The following GPRC6A variants were observed in gnomAD, a reference collection of about 807,000 sequenced individuals.
GPRC6A encodes the protein G protein-coupled receptor family C group 6 member A.
Under a neutral mutation model 47.0 loss-of-function variants are expected in GPRC6A, and 54 were observed. The observed-to-expected ratio is 1.15, with a 90% CI of 0.92 to 1.44. The LOEUF (loss-of-function observed/expected upper bound fraction) is 1.44, where lower values mean the gene tolerates loss of function less well. Among genes scored for constraint, GPRC6A ranks in the 40% most tolerant of loss-of-function variants. The pLI, the probability that GPRC6A is intolerant of heterozygous loss-of-function variation, is 0.00. For missense variants in GPRC6A, 1,112 were observed against 1,105.5 expected, an observed-to-expected ratio of 1.01 and a Z score of -0.08; for synonymous variants, 347 against 377.1, an observed-to-expected ratio of 0.92 and a Z score of 0.93.
chr6:116,814,158 A>G (rs183374583), intron 1 of GPRC6A, among the ~76,000 whole-genome samples: 39 of 152,292 alleles, frequency 2.6e-4, no homozygotes, highest in African/African-American at 8.7e-4. Context: ...TGCTGGTGGG[A>G]GTGTAAATTG....
rs957077846 is a variant in GPRC6A, at chr6:116,792,648, T to C, written c.2275A>G (p.Ile759Val). Residue 759 changes from isoleucine (I) to valine (V), a missense_variant, in exon 6 of 6, where the codon ATT becomes GTT. Physicochemically the swap from Ile to Val is conservative, Grantham distance 29. Coordinates refer to ENST00000310357, the MANE Select transcript of GPRC6A (RefSeq NM_148963.4). ...ILAFGTMLGY[I>V]AILAFICFIF... ...AAGCAAATGAAGGCCAGGATGGCAATGTAGCCCAGCATGGTGCCAAATGCA... is the reference window on the plus strand; with the variant it reads ...AAGCAAATGAAGGCCAGGATGGCAACGTAGCCCAGCATGGTGCCAAATGCA... 1.2e-6 allele frequency: 2 copies of C among 1,613,518 alleles called. No homozygotes were observed. The highest frequency in any genetic ancestry group is 2.7e-5 in the African/African-American group (2 of 74,904).
intron 1 of GPRC6A, among the ~76,000 whole-genome samples, chr6:116,821,968 A>C (rs201775380): frequency 0.31 from 44,784 of 146,646 alleles, 7,843 homozygotes; most frequent in Middle Eastern, 0.54. Context: ...TCATCTGACA[A>C]AGGTCTAATA....
chr6:116,817,560 G>C (rs1773269321), intron 1 of GPRC6A, among the ~76,000 whole-genome samples: 1 of 152,222 alleles, frequency 6.6e-6, no homozygotes, highest in Non-Finnish European at 1.5e-5. Flanking sequence ...AGAGAAGAAG[G>C]CTTCAGATGA....
At chr6:116,794,480 T>A (rs1449201264) in intron 5 of GPRC6A, among the ~76,000 whole-genome samples, 1 of 152,162 alleles carries the variant, frequency 6.6e-6, no homozygotes, top group Admixed American at 6.6e-5. Flanking sequence ...TCCTCCAAGT[T>A]GTCTTCAGTC....
rs577534070 is a variant in GPRC6A at position 116,801,961 on chromosome 6, C to T, written c.1336-1165G>A. ...CAAGGGCCTACCTCCAATGTTCTCA[C>T]TTCTATCTGTTGACTGGTTTGTTTC... On this transcript the variant is annotated intron_variant, in intron 3 of 5. Coordinates refer to ENST00000310357, the MANE Select transcript of GPRC6A (RefSeq NM_148963.4). Among the ~76,000 whole-genome samples the T allele has an allele frequency of 4.6e-5, 7 of 152,294 alleles. No homozygotes were observed. The East Asian group carries it at 1.3e-3, about 29-fold the overall frequency.
At chr6:116,822,658 C>G (rs577814598) in intron 1 of GPRC6A, among the ~76,000 whole-genome samples, 3 of 144,500 alleles carry the variant, frequency 2.1e-5, no homozygotes, top group South Asian at 2.2e-4. Context: ...GGGAATTGAA[C>G]AATGAGATCA....
rs775223423 is a variant in GPRC6A at position 116,828,952 on chromosome 6, C to T, written c.62G>A (p.Cys21Tyr). Residue 21 changes from cysteine (C) to tyrosine (Y), a missense_variant, in exon 1 of 6, where the codon TGC (cysteine) becomes TAC (tyrosine). Transcript: ENST00000310357. The stretch of plus-strand genomic sequence containing the variant: ...AGCCACAAAGTCATCAGGGGTCTGG[C>T]AAGGCTGTGAAGTAGCAAGAATAAT... ...FVIILATSQP[C>Y]QTPDDFVAAT... 6 of 1,613,106 alleles carry T rather than the reference C, an allele frequency of 3.7e-6. No homozygotes were observed. In the South Asian group the frequency reaches 6.6e-5, roughly 18 times the overall value.
chr6:116,816,768 G>T (rs994281417), intron 1 of GPRC6A, among the ~76,000 whole-genome samples: 8 of 152,242 alleles, frequency 5.3e-5, no homozygotes, highest in African/African-American at 1.9e-4. Flanking sequence ...GTCAAAGAAA[G>T]GGGAGACGGA....
At chr6:116,805,817 T>A (rs1772818001) in intron 3 of GPRC6A, among the ~76,000 whole-genome samples, 1 of 152,088 alleles carries the variant, frequency 6.6e-6, no homozygotes, top group Non-Finnish European at 1.5e-5. Flanking sequence ...CATATACACA[T>A]AAAGACCATT....
intron 5 of GPRC6A, 27 bp downstream of exon 5, chr6:116,795,685 A>G: frequency 6.5e-7 from 1 of 1,529,218 alleles, no homozygotes; most frequent in Non-Finnish European, 8.8e-7. Flanking sequence ...GGAATGATTC[A>G]GGTGTATGTG....
intron 2 of GPRC6A, among the ~76,000 whole-genome samples, chr6:116,808,194 T>G (rs540121322): frequency 2.0e-5 from 3 of 152,240 alleles, no homozygotes; most frequent in African/African-American, 7.2e-5. Context: ...ATGGTGGACT[T>G]TCAGTAAACC....
chr6:116,808,195 T>C (rs1772914781), intron 2 of GPRC6A, among the ~76,000 whole-genome samples: 1 of 152,116 alleles, frequency 6.6e-6, no homozygotes, highest in African/African-American at 2.4e-5. Flanking sequence ...TGGTGGACTT[T>C]CAGTAAACCT....
chr6:116,825,935 A>T (rs1773662854), intron 1 of GPRC6A, among the ~76,000 whole-genome samples: 1 of 152,010 alleles, frequency 6.6e-6, no homozygotes, highest in Non-Finnish European at 1.5e-5. Context: ...GGAGCCAAGA[A>T]CCTATTCAGG....
Position 116,806,557 on chromosome 6 carries a change from G to C in GPRC6A, c.1148C>G (p.Thr383Ser). Residue 383 changes from threonine to serine, a missense_variant, in exon 3 of 6, where the codon ACT becomes AGT. Thr to Ser is a moderately conservative substitution (Grantham distance 58). Transcript: ENST00000310357. The stretch of plus-strand genomic sequence containing the variant: ...AGCCTTGTTAGCCTTGTAGGCCAAA[G>C]TCCTTTGAGAATGATTGAATATGCA... Reference protein sequence around the residue: ...SQCIFNHSQRTLAYKANKAIE... With the variant: ...SQCIFNHSQRSLAYKANKAIE... The C allele has an allele frequency of 6.2e-7, 1 of 1,613,620 alleles. No individual in the cohort carries two copies. Among genetic ancestry groups the C allele is most frequent in the Non-Finnish European group, 8.5e-7 (1 of 1,179,776 alleles).
chr6:116,811,981 T>C (rs1250799145), intron 1 of GPRC6A, among the ~76,000 whole-genome samples: 2 of 152,092 alleles, frequency 1.3e-5, no homozygotes, highest in South Asian at 2.1e-4. Context: ...ATAAAAACTT[T>C]CCACATCCAG....
chr6:116,818,996 T>C (rs1773353349), intron 1 of GPRC6A, among the ~76,000 whole-genome samples: 1 of 151,800 alleles, frequency 6.6e-6, no homozygotes. Flanking sequence ...AGGCTCAAAA[T>C]AAAAGGATGG....
rs116125010 is a variant in GPRC6A at position 116,797,420 on chromosome 6, T to C, written c.1549-1585A>G. Among the ~76,000 whole-genome samples, 801 of 152,312 alleles carry C rather than the reference T, an allele frequency of 5.3e-3. 11 individuals are homozygous for C. The highest frequency in any genetic ancestry group is 0.018 in the African/African-American group (751 of 41,568). ...TTTAGGATTATCTGATGTTTTGGAC[T>C]ATGAGTTCTGGTGACTTACCAGAAA... On this transcript the variant is annotated intron_variant, in intron 4 of 5. Coordinates refer to ENST00000310357, the MANE Select transcript of GPRC6A (RefSeq NM_148963.4).
At chr6:116,828,558 T>C (rs1773741588) in intron 1 of GPRC6A, among the ~76,000 whole-genome samples, 1 of 152,096 alleles carries the variant, frequency 6.6e-6, no homozygotes, top group Admixed American at 6.6e-5. Context: ...ACTTCAGGCA[T>C]TGTTTTTTAA....
intron 1 of GPRC6A, among the ~76,000 whole-genome samples, chr6:116,820,434 A>G (rs12209024): frequency 0.3 from 45,853 of 151,654 alleles, 7,654 homozygotes; most frequent in East Asian, 0.52. Flanking sequence ...AATATCCTTG[A>G]TGAACATGGA....
Sources: allele counts gnomAD v4.1 joint callset (sites outside exome capture counted in the v4.1 genomes callset), GRCh38; gene constraint gnomAD v4.1.1; transcripts MANE v1.5; gene names NCBI Gene and HGNC (gene_info 2026-07-23, HGNC 2026-07-21).